Variants in ADAMTSL3 observed in about 807,000 individuals in gnomAD.
ADAMTSL3 encodes ADAMTS-like protein 3.
ADAMTSL3 carries 128 observed loss-of-function variants against 201.7 expected under a neutral mutation model. That is an observed-to-expected ratio of 0.63 (90% CI 0.55 to 0.73). The LOEUF is 0.73. ADAMTSL3 is among the 30% of genes least tolerant of loss of function. ADAMTSL3 has a pLI of 0.00. For synonymous variants in ADAMTSL3, 738 were observed against 748.4 expected, an observed-to-expected ratio of 0.99 and a Z score of 0.23; for missense variants, 1,990 against 2,119.6, an observed-to-expected ratio of 0.94 and a Z score of 1.20.
At chr15:83,888,699 T>C (rs1411054167) in intron 10 of ADAMTSL3, among the ~76,000 whole-genome samples, 1 of 152,214 alleles carries the variant, frequency 6.6e-6, no homozygotes, top group African/African-American at 2.4e-5. Flanking sequence ...GCCATTGCCA[T>C]CTGATATCGT....
At chr15:84,016,262 C>T in intron 24 of ADAMTSL3, 121 bp from the exon 25 acceptor site, 1 of 710,584 alleles carries the variant, frequency 1.4e-6, no homozygotes, top group South Asian at 1.8e-5. Context: ...CTTGAGTATC[C>T]AGGAGCACAG....
At chr15:83,684,555 A>T (rs1007679561) in intron 2 of ADAMTSL3, among the ~76,000 whole-genome samples, 1 of 152,126 alleles carries the variant, frequency 6.6e-6, no homozygotes, top group Non-Finnish European at 1.5e-5. Context: ...AGCCTGGGTA[A>T]CATAGCAAGA....
chr15:83,659,027 T>G (rs761574586), intron 2 of ADAMTSL3, among the ~76,000 whole-genome samples: 2 of 152,244 alleles, frequency 1.3e-5, no homozygotes, highest in Non-Finnish European at 2.9e-5. Context: ...CATGTCAAGA[T>G]GGCTTCGTGT....
intron 2 of ADAMTSL3, among the ~76,000 whole-genome samples, chr15:83,702,462 G>C (rs889891406): frequency 6.6e-6 from 1 of 152,176 alleles, no homozygotes; most frequent in Non-Finnish European, 1.5e-5. Flanking sequence ...TACAGGCCTG[G>C]AGGCCCAAGA....
At chr15:84,021,993 A>G (rs1205833763) in intron 26 of ADAMTSL3, among the ~76,000 whole-genome samples, 1 of 152,210 alleles carries the variant, frequency 6.6e-6, no homozygotes, top group African/African-American at 2.4e-5. Context: ...GGCACTAGTG[A>G]AAAACACAGT....
intron 19 of ADAMTSL3, among the ~76,000 whole-genome samples, chr15:83,963,916 G>A (rs1285383589): frequency 6.6e-6 from 1 of 152,184 alleles, no homozygotes; most frequent in Non-Finnish European, 1.5e-5. Context: ...CAGCAGAGGA[G>A]CCTGACTATT....
intron 3 of ADAMTSL3, among the ~76,000 whole-genome samples, chr15:83,709,195 T>G (rs2061898452): frequency 6.6e-6 from 1 of 152,238 alleles, no homozygotes; most frequent in African/African-American, 2.4e-5. Context: ...CATAAGCATA[T>G]TTATTCCTTT....
intron 23 of ADAMTSL3, among the ~76,000 whole-genome samples, chr15:83,998,034 A>C (rs2067719825): frequency 6.6e-6 from 1 of 152,152 alleles, no homozygotes; most frequent in Non-Finnish European, 1.5e-5. Flanking sequence ...GGAAGAAAAA[A>C]AAAAAACAAA....
intron 19 of ADAMTSL3, among the ~76,000 whole-genome samples, chr15:83,943,964 T>TG (rs2066609846): frequency 7.8e-6 from 1 of 127,726 alleles, no homozygotes; most frequent in Non-Finnish European, 1.6e-5. Context: ...ATATATCCTA[T>TG]GTTTTTTTTT....
intron 3 of ADAMTSL3, among the ~76,000 whole-genome samples, chr15:83,754,844 C>A (rs1281328336): frequency 6.6e-6 from 1 of 152,056 alleles, no homozygotes; most frequent in African/African-American, 2.4e-5. Flanking sequence ...TTAAAGATAC[C>A]TCTAAGTGTA....
intron 4 of ADAMTSL3, among the ~76,000 whole-genome samples, chr15:83,786,650 C>T (rs529109739): frequency 5.9e-5 from 9 of 152,120 alleles, no homozygotes; most frequent in East Asian, 5.8e-4. Flanking sequence ...TCAAACCTGC[C>T]GCTTTTATGT....
intron 9 of ADAMTSL3, among the ~76,000 whole-genome samples, chr15:83,871,515 G>A (rs961381380): frequency 1.3e-4 from 20 of 152,204 alleles, no homozygotes; most frequent in Non-Finnish European, 2.6e-4. Flanking sequence ...TCCTTAAGGC[G>A]TCTTTACTTC....
chr15:83,898,457 C>T lies in ADAMTSL3; in HGVS notation c.1615+452C>T, dbSNP rs181529887. Among the ~76,000 whole-genome samples, 293 of 152,188 alleles carry T rather than the reference C, an allele frequency of 1.9e-3. 2 individuals are homozygous for T. Among genetic ancestry groups the T allele is most frequent in the Middle Eastern group, 6.8e-3 (2 of 292 alleles). On this transcript the variant is annotated intron_variant, in intron 14 of 29. Transcript: ENST00000286744. ...TCATTCTTCTTTATAGCTACCTCTC[C>T]GCTGGAGTATAAGATTTTTGAGGGA...
chr15:83,971,817 A>T (rs898581480), intron 20 of ADAMTSL3, among the ~76,000 whole-genome samples: 3 of 149,882 alleles, frequency 2.0e-5, no homozygotes, highest in African/African-American at 7.3e-5. Context: ...ACGTTTGGTA[A>T]GGAAAAAAAT....
Position 83,749,558 on chromosome 15 carries a change from T to C in ADAMTSL3, c.190-23965T>C, listed in dbSNP as rs150832060. Among the ~76,000 whole-genome samples, 1,301 of 152,264 alleles carry C rather than the reference T, an allele frequency of 8.5e-3. 12 individuals are homozygous for C. The highest frequency in any genetic ancestry group is 0.029 in the African/African-American group (1,221 of 41,540). The stretch of plus-strand genomic sequence containing the variant: ...GTAGGAGGTGATGTTAGAGTGTTAG[T>C]AGGACGCAGGTGGAAGGTTCTAACT... On this transcript the variant is annotated intron_variant, in intron 3 of 29. Transcript: ENST00000286744.
rs77069830 is a variant in ADAMTSL3, at chr15:83,952,040, T to C, written c.2490+8958T>C. Among the ~76,000 whole-genome samples the C allele has an allele frequency of 7.4e-3, 1,124 of 152,260 alleles. 16 individuals carry two copies. Among genetic ancestry groups the C allele is most frequent in the African/African-American group, 0.026 (1,069 of 41,570 alleles). On this transcript the variant is annotated intron_variant, in intron 19 of 29. Transcript: ENST00000286744. ...CTCTTGATTTTCTAGCTAAGATGTA[T>C]TGTTAGGTTGTTTACTTGAAGTTTT...
chr15:83,921,178 T>C (rs1765181939), intron 16 of ADAMTSL3, among the ~76,000 whole-genome samples: 2 of 152,076 alleles, frequency 1.3e-5, no homozygotes, highest in Non-Finnish European at 2.9e-5. Context: ...GTGTGTGGAG[T>C]TGGGGAGTTC....
intron 2 of ADAMTSL3, among the ~76,000 whole-genome samples, chr15:83,657,923 C>T (rs2061113029): frequency 6.6e-6 from 1 of 152,150 alleles, no homozygotes. Context: ...GGGTTTGACT[C>T]AAGGCCGCCC....
In ADAMTSL3 at chr15:83,983,962, T is replaced by C. The variant is rs142253845; in HGVS notation, c.3716+618T>C. ...TATCTGAAGTAGTTTTCTATTATCA[T>C]GCAATTTTTAAATGTCATACAATCC... On this transcript the variant is annotated intron_variant, in intron 21 of 29. Coordinates refer to ENST00000286744, the MANE Select transcript of ADAMTSL3 (RefSeq NM_207517.3). 3.5e-3 allele frequency among the ~76,000 whole-genome samples: 530 copies of C among 152,346 alleles called. 2 individuals carry two copies. Among genetic ancestry groups the C allele is most frequent in the African/African-American group, 0.012 (503 of 41,572 alleles).
Sources: gnomAD v4.1 joint callset for allele counts (sites outside exome capture counted in the v4.1 genomes callset) on GRCh38, gnomAD v4.1.1 for gene constraint, MANE v1.5 for transcripts, NCBI Gene and HGNC (gene_info 2026-07-23, HGNC 2026-07-21) for gene names.